PDZD2: variants seen among roughly 807,000 people sequenced by gnomAD.
PDZD2 encodes the protein PDZ domain-containing protein 2.
Under a neutral mutation model 220.7 loss-of-function variants are expected in PDZD2, and 90 were observed. The observed-to-expected ratio is 0.41, with a 90% CI of 0.34 to 0.49. The LOEUF is 0.49. Ranked by LOEUF, PDZD2 falls within the 20% of genes least tolerant of loss-of-function variation. PDZD2 has a pLI of 0.28. For synonymous variants in PDZD2, 1,375 were observed against 1,450.5 expected (o/e 0.95, Z 1.18); for missense variants, 3,174 against 3,608.5 (o/e 0.88, Z 3.08).
At chr5:31,709,500 A>G (rs1404470201) in intron 1 of PDZD2, among the ~76,000 whole-genome samples, 1 of 34,942 alleles carries the variant, frequency 2.9e-5, no homozygotes, top group Non-Finnish European at 5.9e-5. Context: ...AAAATAAAAT[A>G]AAAGGTGAGA....
intron 7 of PDZD2, among the ~76,000 whole-genome samples, chr5:32,045,456 C>G (rs1430591829): frequency 6.7e-6 from 1 of 148,204 alleles, no homozygotes; most frequent in African/African-American, 2.5e-5. Flanking sequence ...GAATCTTGCT[C>G]TGTTGCCCAG....
At position 32,092,963 on chromosome 5, in the gene PDZD2, C is replaced by T. The variant is rs1319404480; in HGVS notation, c.7784C>T (p.Ser2595Leu). The T allele has an allele frequency of 3.7e-6, 6 of 1,608,130 alleles. No homozygotes were observed. Among genetic ancestry groups the T allele is most frequent in the Admixed American group, 1.7e-5 (1 of 59,908 alleles). The change falls in exon 21 of 25, where the codon TCG (serine) becomes TTG (leucine). Residue 2595 changes from serine (S) to leucine (L), a missense_variant. Transcript: ENST00000438447. ...GDQQRLQSVL[S>L]SVGSKSTILT... ...CAGCAAAGATTACAGTCTGTTTTAT[C>T]GTCAGTGGGATCGAAATCTACCATC...
At chr5:31,848,004 A>C in intron 2 of PDZD2, 1 of 392,914 alleles carries the variant, frequency 2.5e-6, no homozygotes, top group South Asian at 2.3e-5. Flanking sequence ...GCTGCTATGC[A>C]AGAGAATCCA....
intron 6 of PDZD2, among the ~76,000 whole-genome samples, chr5:32,028,152 T>G (rs1464975702): frequency 6.6e-6 from 1 of 152,140 alleles, no homozygotes; most frequent in Non-Finnish European, 1.5e-5. Flanking sequence ...AGGAAACAGC[T>G]GGAGATAAAA....
intron 2 of PDZD2, among the ~76,000 whole-genome samples, chr5:31,971,883 G>T (rs1749326038): frequency 6.6e-6 from 1 of 152,088 alleles, no homozygotes; most frequent in South Asian, 2.1e-4. Context: ...CTACTTTTCA[G>T]CCACAAAGGC....
chr5:32,055,277 C>G (rs1273165879), intron 10 of PDZD2, among the ~76,000 whole-genome samples: 2 of 152,148 alleles, frequency 1.3e-5, no homozygotes, highest in Admixed American at 6.5e-5. Context: ...TCATAGTTCA[C>G]TGCAGCCTCA....
intron 19 of PDZD2, among the ~76,000 whole-genome samples, chr5:32,084,291 G>T (rs1248126203): frequency 1.3e-5 from 2 of 152,232 alleles, no homozygotes; most frequent in Non-Finnish European, 2.9e-5. Context: ...TTAGGCAGTA[G>T]CATGGGCTGT....
intron 14 of PDZD2, among the ~76,000 whole-genome samples, chr5:32,068,558 T>C (rs561646085): frequency 6.6e-6 from 1 of 152,328 alleles, no homozygotes; most frequent in South Asian, 2.1e-4. Flanking sequence ...CATTAAACTT[T>C]CTGTGAGCTA....
At chr5:31,667,230 C>T (rs1198682709) in intron 1 of PDZD2, among the ~76,000 whole-genome samples, 4 of 75,588 alleles carry the variant, frequency 5.3e-5, no homozygotes, top group African/African-American at 2.0e-4. Flanking sequence ...AGCAAGACTC[C>T]GTCTCAAAAA....
intron 7 of PDZD2, among the ~76,000 whole-genome samples, chr5:32,039,948 C>T (rs1376071546): frequency 2.2e-5 from 3 of 138,282 alleles, no homozygotes; most frequent in African/African-American, 5.5e-5. Flanking sequence ...GCCCAGCTGC[C>T]CGAATGGGAA....
intron 2 of PDZD2, among the ~76,000 whole-genome samples, chr5:31,930,361 ATTTTTTTG>A (rs1745169475): frequency 6.6e-6 from 1 of 151,516 alleles, no homozygotes; most frequent in Non-Finnish European, 1.5e-5. Context: ...CGCCCGGCTA[ATTTTTTTG>A]TATTTTTAGT....
At chr5:32,067,564 A>G (rs868512323) in intron 14 of PDZD2, among the ~76,000 whole-genome samples, 11 of 152,208 alleles carry the variant, frequency 7.2e-5, no homozygotes, top group Admixed American at 1.3e-4. Context: ...ATGATAAAAT[A>G]TAATGCTGAA....
intron 2 of PDZD2, among the ~76,000 whole-genome samples, chr5:31,846,796 C>T (rs1757609427): frequency 6.6e-6 from 1 of 152,176 alleles, no homozygotes; most frequent in Non-Finnish European, 1.5e-5. Flanking sequence ...CGGGGATCTT[C>T]TCCTGGGAAT....
At chr5:32,040,547 G>T (rs543527232) in intron 7 of PDZD2, among the ~76,000 whole-genome samples, 2 of 133,198 alleles carry the variant, frequency 1.5e-5, no homozygotes, top group Non-Finnish European at 3.2e-5. Flanking sequence ...GCCTCTGCCC[G>T]GCTGCCCCGT....
rs10708046 is a variant in PDZD2, at chr5:32,083,196, C to CAA, written c.3683-3920_3683-3919dup. ...TCCTGTGCTTTTTTTGTCTTTTTGCCAAAAAAAAAAAAAAAATCCACTGTG... is the reference window on the plus strand; with the variant it reads ...TCCTGTGCTTTTTTTGTCTTTTTGCCAAAAAAAAAAAAAAAAAATCCACTGTG... On this transcript the variant is annotated intron_variant, in intron 19 of 24. Coordinates refer to ENST00000438447, the MANE Select transcript of PDZD2 (RefSeq NM_178140.4). This position sits in a 1 kb window ranked among gnomAD's most constrained non-coding sequence, Gnocchi z 4.1. Among the ~76,000 whole-genome samples the CAA allele has an allele frequency of 2.3e-3, 293 of 129,786 alleles. 3 individuals are homozygous for CAA. In the East Asian group the frequency reaches 0.024, roughly 11 times the overall value. 85.1% of individuals were successfully genotyped at this position (129,786 alleles called of 152,430 possible).
At chr5:31,906,318 A>G (rs963145202) in intron 2 of PDZD2, among the ~76,000 whole-genome samples, 1 of 150,522 alleles carries the variant, frequency 6.6e-6, no homozygotes, top group African/African-American at 2.4e-5. Context: ...CCTGTTGCAG[A>G]GGCTGGAGTG....
intron 5 of PDZD2, among the ~76,000 whole-genome samples, chr5:32,001,456 CCGTGG>C (rs3037906): frequency 0.2 from 30,820 of 151,954 alleles, 3,317 homozygotes; most frequent in Admixed American, 0.26. Flanking sequence ...GGCAGAGCTT[CCGTGG>C]CCACTACCGT....
chr5:31,831,350 T>G (rs1402740974), intron 2 of PDZD2, among the ~76,000 whole-genome samples: 1 of 151,970 alleles, frequency 6.6e-6, no homozygotes, highest in African/African-American at 2.4e-5. Flanking sequence ...GTGCAGTGGT[T>G]CACACCTGTA....
intron 2 of PDZD2, among the ~76,000 whole-genome samples, chr5:31,975,028 C>CTTCA (rs1749622716): frequency 1.3e-5 from 2 of 151,940 alleles, no homozygotes; most frequent in Non-Finnish European, 2.9e-5. Context: ...AAATATTTAC[C>CTTCA]CTAATTATTT....
Sources: gnomAD v4.1 joint callset for allele counts (sites outside exome capture counted in the v4.1 genomes callset) on GRCh38, gnomAD v4.1.1 for gene constraint, Gnocchi (gnomAD v3.1) non-coding constraint, MANE v1.5 for transcripts, NCBI Gene and HGNC (gene_info 2026-07-23, HGNC 2026-07-21) for gene names.